The following ZNF569 variants were observed in gnomAD, a reference collection of about 807,000 sequenced individuals.
The protein encoded by ZNF569 is zinc finger protein 569.
In ZNF569, 38 loss-of-function variants were observed where a neutral mutation model predicts 56.3. The ratio of observed to expected loss-of-function variants is 0.68; its 90% CI spans 0.52 to 0.88. ZNF569 has a LOEUF of 0.88. Among genes scored for constraint, ZNF569 ranks in the 40% least tolerant of loss-of-function variants. The pLI is 0.00. For synonymous variants in ZNF569, 241 were observed against 262.9 expected, an observed-to-expected ratio of 0.92 and a Z score of 0.81; for missense variants, 666 against 809.2, an observed-to-expected ratio of 0.82 and a Z score of 2.15.
chr19:37,461,725 C>A (rs1207799064), intron 2 of ZNF569, among the ~76,000 whole-genome samples: 2 of 152,148 alleles, frequency 1.3e-5, no homozygotes. Flanking sequence ...CTCTTCCTAT[C>A]CTCACTTTTC....
chr19:37,447,285 T>C (rs1236001441), intron 2 of ZNF569, among the ~76,000 whole-genome samples: 1 of 152,180 alleles, frequency 6.6e-6, no homozygotes, highest in Non-Finnish European at 1.5e-5. Flanking sequence ...AAAAAGATAC[T>C]TGCACATGCA....
intron 5 of ZNF569, among the ~76,000 whole-genome samples, chr19:37,418,415 GTATCA>G (rs2040973335): frequency 6.6e-6 from 1 of 151,900 alleles, no homozygotes; most frequent in South Asian, 2.1e-4. Context: ...CACAAATATG[GTATCA>G]TTTAAAAGGC....
At chr19:37,461,620 C>T (rs180735814) in intron 2 of ZNF569, among the ~76,000 whole-genome samples, 48 of 152,158 alleles carry the variant, frequency 3.2e-4, no homozygotes, top group Admixed American at 1.2e-3. Flanking sequence ...TTCTATGTCT[C>T]ACCTTACTTC....
At position 37,411,484 on chromosome 19, in the gene ZNF569, G is replaced by C. The variant is rs950916891; in HGVS notation, c.*1113C>G. The C allele has an allele frequency of 3.3e-5, 5 of 151,846 alleles. No individual in the cohort carries two copies. Among genetic ancestry groups the C allele is most frequent in the African/African-American group, 9.7e-5 (4 of 41,344 alleles). 9.4% of individuals were successfully genotyped at this position (151,846 alleles called of 1,614,324 possible). Reference sequence around the variant, plus strand: ...AAAAATTTGTTATATCCAATTTTGGGCAATACAAACCATGATTCAGGAACA... The same window carrying C: ...AAAAATTTGTTATATCCAATTTTGGCCAATACAAACCATGATTCAGGAACA... On this transcript the variant is annotated 3_prime_UTR_variant, in exon 6 of 6. Coordinates refer to ENST00000316950, the MANE Select transcript of ZNF569 (RefSeq NM_152484.3).
intron 1 of ZNF569, among the ~76,000 whole-genome samples, chr19:37,465,788 C>T (rs1213738979): frequency 1.3e-5 from 2 of 152,160 alleles, no homozygotes; most frequent in Non-Finnish European, 2.9e-5. Flanking sequence ...TAGGAGTCTG[C>T]TCCCCCTCCA....
Position 37,414,112 on chromosome 19 carries a change from G to A in ZNF569, c.546C>T (p.Val182=). 6.2e-7 allele frequency: 1 copy of A among 1,613,810 alleles called. No homozygotes were observed. The highest frequency in any genetic ancestry group is 8.5e-7 in the Non-Finnish European group (1 of 1,179,910). The change falls in exon 6 of 6, where the codon GTC becomes GTT. Residue 182 remains valine, a synonymous_variant. Coordinates refer to ENST00000316950, the MANE Select transcript of ZNF569 (RefSeq NM_152484.3). ...AATGATTACACTTAAAGGGGGTAAT[G>A]ACAAAATGGGATGAGCTATTACCAT... ...KSYGNSSSHF[V]ITPFKCNHCG...
intron 3 of ZNF569, among the ~76,000 whole-genome samples, chr19:37,438,369 G>C (rs891195452): frequency 6.6e-6 from 1 of 152,140 alleles, no homozygotes; most frequent in Non-Finnish European, 1.5e-5. Flanking sequence ...CTGAGCAAGA[G>C]AGCAAGATCC....
chr19:37,439,824 G>A (rs1486341790), intron 3 of ZNF569, among the ~76,000 whole-genome samples: 1 of 152,168 alleles, frequency 6.6e-6, no homozygotes, highest in East Asian at 1.9e-4. Flanking sequence ...AAGCTCACAT[G>A]TTCTCACTTA....
chr19:37,444,804 T>C, intron 3 of ZNF569, 103 bp downstream of exon 3: 1 of 832,532 alleles, frequency 1.2e-6, no homozygotes, highest in Non-Finnish European at 1.8e-6. Context: ...GAAAATATGT[T>C]TTATGTATAC....
At chr19:37,437,085 A>G (rs191655719) in intron 3 of ZNF569, among the ~76,000 whole-genome samples, 5 of 152,186 alleles carry the variant, frequency 3.3e-5, no homozygotes, top group Admixed American at 1.3e-4. Context: ...ATCCTCAACA[A>G]AATACTAGCA....
At chr19:37,444,024 T>G (rs1568737404) in intron 3 of ZNF569, among the ~76,000 whole-genome samples, 1 of 151,884 alleles carries the variant, frequency 6.6e-6, no homozygotes, top group Non-Finnish European at 1.5e-5. Context: ...TCTCAAAAAA[T>G]AAATAAATAA....
At chr19:37,417,235 C>G (rs56065431) in intron 5 of ZNF569, among the ~76,000 whole-genome samples, 47 of 152,220 alleles carry the variant, frequency 3.1e-4, no homozygotes, top group African/African-American at 1.1e-3. Context: ...TTTTAGATTT[C>G]TGGCCTCCAG....
intron 3 of ZNF569, among the ~76,000 whole-genome samples, chr19:37,430,955 C>T (rs1430934004): frequency 3.9e-5 from 6 of 152,222 alleles, no homozygotes; most frequent in Non-Finnish European, 8.8e-5. Flanking sequence ...GAAGGCAACA[C>T]CAGGGAGAAC....
chr19:37,430,096 T>C (rs577156372), intron 3 of ZNF569, among the ~76,000 whole-genome samples: 14 of 151,750 alleles, frequency 9.2e-5, no homozygotes, highest in African/African-American at 3.4e-4. Flanking sequence ...TCAGGAGACA[T>C]TGGTGGGAGG....
chr19:37,434,523 C>T (rs551123990), intron 3 of ZNF569, among the ~76,000 whole-genome samples: 41 of 152,182 alleles, frequency 2.7e-4, no homozygotes, highest in Non-Finnish European at 5.4e-4. Context: ...CCTGTCTCTA[C>T]TAAAAATACA....
intron 3 of ZNF569, among the ~76,000 whole-genome samples, chr19:37,441,899 G>A (rs1185536822): frequency 6.6e-6 from 1 of 152,230 alleles, no homozygotes; most frequent in Non-Finnish European, 1.5e-5. Context: ...CCCAAGCTAT[G>A]AAGATCTTCC....
chr19:37,463,487 G>T (rs1413824378), intron 2 of ZNF569, among the ~76,000 whole-genome samples: 1 of 152,052 alleles, frequency 6.6e-6, no homozygotes, highest in Non-Finnish European at 1.5e-5. Context: ...GTTGTGTATG[G>T]TATTAGTATT....
At chr19:37,439,787 G>C (rs1417599785) in intron 3 of ZNF569, among the ~76,000 whole-genome samples, 20 of 152,196 alleles carry the variant, frequency 1.3e-4, no homozygotes, top group Admixed American at 1.3e-3. Flanking sequence ...ATTACGTTAA[G>C]TGAAATAAGC....
At chr19:37,432,337 G>A (rs1157629386) in intron 3 of ZNF569, among the ~76,000 whole-genome samples, 1 of 152,188 alleles carries the variant, frequency 6.6e-6, no homozygotes, top group Non-Finnish European at 1.5e-5. Flanking sequence ...GAAAGACTCT[G>A]GGAGAAAGTA....
Sources: allele counts gnomAD v4.1 joint callset (sites outside exome capture counted in the v4.1 genomes callset), GRCh38; gene constraint gnomAD v4.1.1; transcripts MANE v1.5; gene names NCBI Gene and HGNC (gene_info 2026-07-23, HGNC 2026-07-21).